VPS13B: variants seen among roughly 807,000 people sequenced by gnomAD.
The protein encoded by VPS13B is intermembrane lipid transfer protein VPS13B.
In VPS13B, 285 loss-of-function variants were observed where a neutral mutation model predicts 426.4. The observed-to-expected ratio is 0.67, with a 90% confidence interval of 0.61 to 0.74. The LOEUF is 0.74. VPS13B is among the 30% of genes least tolerant of loss of function. The pLI is 0.00. For missense variants in VPS13B, 4,537 were observed against 4,782.6 expected (o/e 0.95, Z 1.51); for synonymous variants, 1,676 against 1,676.4 (o/e 1.00, Z 0.01).
At chr8:99,770,206 A>G (rs988839382) in intron 40 of VPS13B, among the ~76,000 whole-genome samples, 1 of 152,140 alleles carries the variant, frequency 6.6e-6, no homozygotes, top group Non-Finnish European at 1.5e-5. Context: ...TCTTTAACTA[A>G]TGGTTTGCTT....
intron 30 of VPS13B, among the ~76,000 whole-genome samples, chr8:99,540,948 G>A (rs1039106964): frequency 2.6e-5 from 4 of 152,056 alleles, no homozygotes; most frequent in African/African-American, 7.2e-5. Context: ...TGGTATAGAA[G>A]CACAAATACT....
At chr8:99,638,055 T>C (rs1168940907) in intron 33 of VPS13B, among the ~76,000 whole-genome samples, 1 of 152,142 alleles carries the variant, frequency 6.6e-6, no homozygotes, top group East Asian at 1.9e-4. Context: ...GTTGGTAATA[T>C]ATTTGGAGGT....
At chr8:99,270,595 A>G (rs1818539337) in intron 17 of VPS13B, among the ~76,000 whole-genome samples, 1 of 152,326 alleles carries the variant, frequency 6.6e-6, no homozygotes, top group East Asian at 1.9e-4. Context: ...AATTCTAAAG[A>G]AACTCATTTG....
chr8:99,200,755 A>C (rs975096441), intron 17 of VPS13B, among the ~76,000 whole-genome samples: 2 of 151,878 alleles, frequency 1.3e-5, no homozygotes, highest in African/African-American at 4.8e-5. Context: ...TTTTCTTTTA[A>C]ATTGTGAGAT....
rs766658666 is a variant in VPS13B at position 99,861,933 on chromosome 8, C to T, written c.11202C>T (p.Gly3734=). Residue 3734 remains glycine, a synonymous_variant, in exon 58 of 62, where the codon GGC becomes GGT. Transcript: ENST00000357162. ...EGLRQGLSRL[G]ISLLGAIAGI... is the part of the protein sequence containing the mutation. ...TTCGACAGGGCCTGTCCCGGCTGGG[C>T]ATCAGCCTGCTTGGTAAGGGGCTGC... 3 of 1,593,298 alleles carry T rather than the reference C, an allele frequency of 1.9e-6. No homozygotes were observed. The highest frequency in any genetic ancestry group is 2.6e-6 in the Non-Finnish European group (3 of 1,171,340).
intron 43 of VPS13B, among the ~76,000 whole-genome samples, chr8:99,804,801 G>A (rs1813305209): frequency 6.6e-6 from 1 of 151,636 alleles, no homozygotes; most frequent in Non-Finnish European, 1.5e-5. Flanking sequence ...AGACCACCCT[G>A]GGCAAAATAA....
At chr8:99,787,376 C>G (rs1812322739) in intron 43 of VPS13B, among the ~76,000 whole-genome samples, 1 of 152,192 alleles carries the variant, frequency 6.6e-6, no homozygotes, top group Non-Finnish European at 1.5e-5. Context: ...CTAACACATG[C>G]TCTGGGGCAG....
chr8:99,606,779 A>G (rs1827616493), intron 33 of VPS13B, among the ~76,000 whole-genome samples: 1 of 151,940 alleles, frequency 6.6e-6, no homozygotes, highest in African/African-American at 2.4e-5. Context: ...AGGCATGCGC[A>G]ATCACGCCCA....
At chr8:99,019,204 AT>A (rs34569117) in intron 2 of VPS13B, among the ~76,000 whole-genome samples, 15,204 of 128,742 alleles carry the variant, frequency 0.12, 729 homozygotes, top group Non-Finnish European at 0.15. Flanking sequence ...CATCTTAAAC[AT>A]TTTTTTTTTT....
chr8:99,489,249 G>C (rs1199029420), intron 25 of VPS13B, among the ~76,000 whole-genome samples: 1 of 152,028 alleles, frequency 6.6e-6, no homozygotes, highest in Non-Finnish European at 1.5e-5. Context: ...CTGTATCTCT[G>C]TTTTAGTACC....
At chr8:99,467,111 G>GT (rs960673623) in intron 23 of VPS13B, among the ~76,000 whole-genome samples, 1 of 152,082 alleles carries the variant, frequency 6.6e-6, no homozygotes, top group Non-Finnish European at 1.5e-5. Flanking sequence ...GTTTGCATAC[G>GT]TCCCCAACAG....
At chr8:99,111,793 A>G (rs1413696662) in intron 6 of VPS13B, among the ~76,000 whole-genome samples, 1 of 152,126 alleles carries the variant, frequency 6.6e-6, no homozygotes, top group Non-Finnish European at 1.5e-5. Flanking sequence ...TATTCAGGAC[A>G]TGTCTTTTTA....
intron 4 of VPS13B, 81 bp downstream of exon 4, chr8:99,096,513 T>TG (rs1846429194): frequency 5.0e-6 from 8 of 1,586,800 alleles, no homozygotes; most frequent in Non-Finnish European, 4.3e-6. Context: ...CCCAGTGCTT[T>TG]GGGGGGCTGA....
Position 99,529,326 on chromosome 8 carries a change from A to G in VPS13B, c.4745+8316A>G, listed in dbSNP as rs1253211641. 2.6e-5 allele frequency among the ~76,000 whole-genome samples: 4 copies of G among 152,120 alleles called. No homozygotes were observed. The East Asian group carries it at 7.7e-4, about 29-fold the overall frequency. On this transcript the variant is annotated intron_variant, in intron 30 of 61. Transcript: ENST00000357162. ...GCATAGTATTCTTTAACTTGCTTGT[A>G]TTTAAACTCAATAATGTATTGTGGT...
chr8:99,163,396 T>A (rs1210775169), intron 15 of VPS13B, among the ~76,000 whole-genome samples: 3 of 152,206 alleles, frequency 2.0e-5, no homozygotes, highest in Non-Finnish European at 4.4e-5. Flanking sequence ...CACCGTGCAC[T>A]CGCATTCCTC....
chr8:99,837,248 C>A (rs1461677991), intron 54 of VPS13B, among the ~76,000 whole-genome samples: 1 of 152,088 alleles, frequency 6.6e-6, no homozygotes, highest in African/African-American at 2.4e-5. Context: ...GAGGGCCACA[C>A]TCACCCTGGA....
chr8:99,650,288 A>G (rs1829754769), intron 34 of VPS13B, among the ~76,000 whole-genome samples: 1 of 152,098 alleles, frequency 6.6e-6, no homozygotes, highest in Admixed American at 6.6e-5. Context: ...ACCAATAAGC[A>G]CACACTCAGA....
chr8:99,363,626 T>C (rs1174496693), intron 19 of VPS13B, among the ~76,000 whole-genome samples: 1 of 152,216 alleles, frequency 6.6e-6, no homozygotes, highest in Non-Finnish European at 1.5e-5. Context: ...TTTATTTTAT[T>C]GTGCCTTCTT....
At chr8:99,037,077 A>G (rs1842777253) in intron 2 of VPS13B, among the ~76,000 whole-genome samples, 1 of 152,118 alleles carries the variant, frequency 6.6e-6, no homozygotes. Flanking sequence ...GGTGCTTAGA[A>G]TAGCGCCTGG....
Sources: gnomAD v4.1 joint callset for allele counts (sites outside exome capture counted in the v4.1 genomes callset) on GRCh38, gnomAD v4.1.1 for gene constraint, MANE v1.5 for transcripts, NCBI Gene and HGNC (gene_info 2026-07-23, HGNC 2026-07-21) for gene names.